HHAT: variants seen among roughly 807,000 people sequenced by gnomAD.
The protein encoded by HHAT is hedgehog acyltransferase.
HHAT carries 47 observed loss-of-function variants against 70.8 expected under a neutral mutation model. The observed-to-expected ratio is 0.66, with a 90% CI of 0.53 to 0.85. The LOEUF (loss-of-function observed/expected upper bound fraction) is 0.85. Among genes scored for constraint, HHAT ranks in the 40% least tolerant of loss-of-function variants. The pLI is 0.00. For missense variants in HHAT, 609 were observed against 604.8 expected, an observed-to-expected ratio of 1.01 and a Z score of -0.07; for synonymous variants, 228 against 247.6, an observed-to-expected ratio of 0.92 and a Z score of 0.74.
chr1:210,459,641 T>C (rs977877680), intron 7 of HHAT, among the ~76,000 whole-genome samples: 1 of 152,182 alleles, frequency 6.6e-6, no homozygotes, highest in Non-Finnish European at 1.5e-5. Flanking sequence ...TTTGCTCAAA[T>C]GTTCTCATTT....
At chr1:210,422,613 C>T (rs2092937407) in intron 7 of HHAT, among the ~76,000 whole-genome samples, 1 of 152,244 alleles carries the variant, frequency 6.6e-6, no homozygotes, top group Admixed American at 6.5e-5. Flanking sequence ...CATGGTATTC[C>T]ATGGTGTAAA....
chr1:210,575,757 A>C (rs1657587532), intron 9 of HHAT, among the ~76,000 whole-genome samples: 1 of 152,204 alleles, frequency 6.6e-6, no homozygotes. Context: ...TGTCATCAGA[A>C]CTTTGATCTT....
intron 3 of HHAT, among the ~76,000 whole-genome samples, chr1:210,386,503 G>T (rs12119456): frequency 0.12 from 18,955 of 151,736 alleles, 1,251 homozygotes; most frequent in Non-Finnish European, 0.16. Flanking sequence ...CTCCCAAAGT[G>T]CTGGGATTAC....
intron 3 of HHAT, among the ~76,000 whole-genome samples, chr1:210,376,389 G>A (rs2090218082): frequency 6.6e-6 from 1 of 151,980 alleles, no homozygotes; most frequent in Non-Finnish European, 1.5e-5. Context: ...TACATCCAAG[G>A]GTTTTAGCTG....
intron 10 of HHAT, among the ~76,000 whole-genome samples, chr1:210,608,582 C>T (rs1351728622): frequency 6.6e-6 from 1 of 152,018 alleles, no homozygotes; most frequent in Non-Finnish European, 1.5e-5. Flanking sequence ...GTGAAGTTCC[C>T]CAAAACTCTG....
chr1:210,619,409 G>A (rs908584852), intron 10 of HHAT, among the ~76,000 whole-genome samples: 1 of 152,142 alleles, frequency 6.6e-6, no homozygotes, highest in Non-Finnish European at 1.5e-5. Context: ...GACACATGGT[G>A]GGCAGGATAG....
chr1:210,499,316 G>A (rs559356050), intron 8 of HHAT, among the ~76,000 whole-genome samples: 119 of 152,120 alleles, frequency 7.8e-4, no homozygotes, highest in African/African-American at 2.7e-3. Context: ...TTTTCTTCTG[G>A]ACTTCAGTAA....
At chr1:210,551,719 G>A (rs1426641896) in intron 9 of HHAT, among the ~76,000 whole-genome samples, 1 of 152,148 alleles carries the variant, frequency 6.6e-6, no homozygotes, top group East Asian at 1.9e-4. Context: ...TTATTGAAGG[G>A]AAAACAAATT....
At position 210,402,621 on chromosome 1, in the gene HHAT, CAGT is replaced by C. The variant is rs201113014; in HGVS notation, c.469-1840_469-1838del. ...TCTTACAAACTGGTAAACAATAAAACAGTAGCATGTAAGTGACCAGGTGTCACC... is the reference window on the plus strand; with the variant it reads ...TCTTACAAACTGGTAAACAATAAAACAGCATGTAAGTGACCAGGTGTCACC... On this transcript the variant is annotated intron_variant, in intron 5 of 11. Transcript: ENST00000261458. Among the ~76,000 whole-genome samples the C allele has an allele frequency of 6.3e-3, 965 of 152,268 alleles. 10 individuals are homozygous for C. Among genetic ancestry groups the C allele is most frequent in the African/African-American group, 0.021 (893 of 41,538 alleles).
At chr1:210,644,401 G>A (rs1307659502) in intron 11 of HHAT, among the ~76,000 whole-genome samples, 2 of 152,032 alleles carry the variant, frequency 1.3e-5, no homozygotes, top group South Asian at 2.1e-4. Context: ...TCAGGAGTTC[G>A]AGACCAGCCT....
intron 7 of HHAT, among the ~76,000 whole-genome samples, chr1:210,463,469 T>C (rs2094024320): frequency 6.6e-6 from 1 of 152,220 alleles, no homozygotes; most frequent in Admixed American, 6.5e-5. Flanking sequence ...TCATCCACAT[T>C]TGGCATTTAT....
At chr1:210,332,350 T>G (rs2085067283) in intron 1 of HHAT, among the ~76,000 whole-genome samples, 1 of 152,240 alleles carries the variant, frequency 6.6e-6, no homozygotes, top group African/African-American at 2.4e-5. Context: ...ACCTAACATC[T>G]TCATGTATAT....
chr1:210,624,923 C>A (rs752343904), intron 11 of HHAT, among the ~76,000 whole-genome samples: 7 of 152,170 alleles, frequency 4.6e-5, no homozygotes, highest in Non-Finnish European at 1.0e-4. Context: ...ACAGCTGGCC[C>A]ATTATCTCCA....
intron 9 of HHAT, among the ~76,000 whole-genome samples, chr1:210,574,750 A>G (rs1657241362): frequency 6.6e-6 from 1 of 152,150 alleles, no homozygotes; most frequent in Non-Finnish European, 1.5e-5. Flanking sequence ...TTACACCACA[A>G]ACCCAGATGA....
rs558073762 is a variant in HHAT, at chr1:210,629,042, G to A, written c.1390+5372G>A. ...CTCTACCTCACTGGATCCTCTGAGAGTTCTAGAAGAGTTTGAGAAGCAGGT... is the reference window on the plus strand; with the variant it reads ...CTCTACCTCACTGGATCCTCTGAGAATTCTAGAAGAGTTTGAGAAGCAGGT... On this transcript the variant is annotated intron_variant, in intron 11 of 11. Coordinates refer to ENST00000261458, the MANE Select transcript of HHAT (RefSeq NM_018194.6). Among the ~76,000 whole-genome samples the A allele has an allele frequency of 1.6e-4, 25 of 152,296 alleles. No individual in the cohort carries two copies. In the East Asian group the frequency reaches 4.2e-3, roughly 26 times the overall value.
At chr1:210,571,964 C>T (rs1418864597) in intron 9 of HHAT, among the ~76,000 whole-genome samples, 1 of 152,172 alleles carries the variant, frequency 6.6e-6, no homozygotes, top group East Asian at 1.9e-4. Context: ...TGGGATTTTT[C>T]AAATAAGCAT....
At chr1:210,437,322 A>G (rs927237893) in intron 7 of HHAT, among the ~76,000 whole-genome samples, 1 of 151,974 alleles carries the variant, frequency 6.6e-6, no homozygotes, top group African/African-American at 2.4e-5. Context: ...GTCTGATAAC[A>G]TGACAGTGAC....
chr1:210,671,871 G>A (rs1219226260), intron 11 of HHAT, among the ~76,000 whole-genome samples: 2 of 152,254 alleles, frequency 1.3e-5, no homozygotes, highest in African/African-American at 2.4e-5. Flanking sequence ...GGGGTCGTCT[G>A]CTGCCCTCAC....
intron 3 of HHAT, chr1:210,374,369 C>A (rs2090001087): frequency 6.6e-6 from 1 of 152,148 alleles, no homozygotes; most frequent in African/African-American, 2.4e-5. Context: ...CTACAGTTTG[C>A]ACAAAAAGAA....
Sources: allele counts gnomAD v4.1 joint callset (sites outside exome capture counted in the v4.1 genomes callset), GRCh38; gene constraint gnomAD v4.1.1; transcripts MANE v1.5; gene names NCBI Gene and HGNC (gene_info 2026-07-23, HGNC 2026-07-21).